EPHA4: variants seen among roughly 807,000 people sequenced by gnomAD.
EPHA4 encodes EPH receptor A4.
Under a neutral mutation model 108.3 loss-of-function variants are expected in EPHA4, and 19 were observed. That is an observed-to-expected ratio of 0.18 (90% CI 0.12 to 0.26). EPHA4 has a LOEUF of 0.26. Among genes scored for constraint, EPHA4 ranks in the 10% least tolerant of loss-of-function variants. The pLI is 1.00. For synonymous variants in EPHA4, 449 were observed against 455.5 expected (o/e 0.99, Z 0.18); for missense variants, 917 against 1,254.0 (o/e 0.73, Z 4.06).
At chr2:221,426,664 G>A in intron 15 of EPHA4, 45 bp from the exon 16 acceptor site, 1 of 1,545,758 alleles carries the variant, frequency 6.5e-7, no homozygotes, top group Non-Finnish European at 8.7e-7. Context: ...AGCTACCAGT[G>A]AGACAAGAAG....
intron 5 of EPHA4, among the ~76,000 whole-genome samples, chr2:221,463,019 G>A (rs1242135319): frequency 1.3e-5 from 2 of 152,158 alleles, no homozygotes; most frequent in Non-Finnish European, 2.9e-5. Flanking sequence ...AGCCTCCAAA[G>A]ATGGACTAGG....
At chr2:221,478,790 C>T (rs73087994) in intron 5 of EPHA4, among the ~76,000 whole-genome samples, 1,890 of 148,008 alleles carry the variant, frequency 0.013, 45 homozygotes, top group African/African-American at 0.044. Flanking sequence ...ACAACCTTAG[C>T]AGGGCAGGCG....
chr2:221,425,322 A>G lies in EPHA4; in HGVS notation c.*706T>C, dbSNP rs1463214205. The G allele has an allele frequency of 6.5e-6, 1 of 152,702 alleles. No homozygotes were observed. The highest frequency in any genetic ancestry group is 1.9e-4 in the East Asian group (1 of 5,198). 9.5% of individuals were successfully genotyped at this position (152,702 alleles called of 1,614,324 possible). A position where few individuals can be genotyped will look rare whatever the true frequency, so the allele number is the denominator to read the frequency against. ...TAGGACAAGTTTGTAAAGTCCCAAA[A>G]TAAGACTTTATATGGCACAGCCTCA... On this transcript the variant is annotated 3_prime_UTR_variant, in exon 17 of 18. Coordinates refer to ENST00000281821, the MANE Select transcript of EPHA4 (RefSeq NM_004438.5).
chr2:221,455,680 G>GGGTC, intron 7 of EPHA4, 22 bp from the exon 8 acceptor site: 6 of 1,572,956 alleles, frequency 3.8e-6, no homozygotes, highest in Non-Finnish European at 5.2e-6. Flanking sequence ...AATTGCATAA[G>GGGTC]GGTCACCTTT....
intron 1 of EPHA4, among the ~76,000 whole-genome samples, chr2:221,570,019 C>CCGTTG (rs1294666181): frequency 2.6e-5 from 4 of 151,814 alleles, no homozygotes; most frequent in Non-Finnish European, 5.9e-5. Flanking sequence ...CCAACCCCCA[C>CCGTTG]CGCAACCATT....
At chr2:221,508,707 G>A (rs548493535) in intron 3 of EPHA4, among the ~76,000 whole-genome samples, 1 of 152,236 alleles carries the variant, frequency 6.6e-6, no homozygotes, top group African/African-American at 2.4e-5. Context: ...ATGGGACAGA[G>A]CCTGGAGTGA....
In EPHA4 at chr2:221,425,793, A is replaced by G. The variant is rs894569060; in HGVS notation, c.*235T>C. Reference sequence around the variant, plus strand: ...TTTTACAGACTGGTGATGAACAGAAAAGTACTTCTGAGAAACGATTTGTTC... The same window carrying G: ...TTTTACAGACTGGTGATGAACAGAAGAGTACTTCTGAGAAACGATTTGTTC... On this transcript the variant is annotated 3_prime_UTR_variant, in exon 17 of 18. Coordinates refer to ENST00000281821, the MANE Select transcript of EPHA4 (RefSeq NM_004438.5). 2.0e-5 allele frequency: 10 copies of G among 512,680 alleles called. No individual in the cohort carries two copies. The highest frequency in any genetic ancestry group is 3.5e-5 in the Non-Finnish European group (10 of 287,628). 31.8% of individuals were successfully genotyped at this position (512,680 alleles called of 1,614,324 possible).
Position 221,501,142 on chromosome 2 carries a change from G to A in EPHA4, c.854C>T (p.Ser285Phe). The A allele has an allele frequency of 6.2e-7, 1 of 1,611,766 alleles. No homozygotes were observed. Among genetic ancestry groups the A allele is most frequent in the Non-Finnish European group, 8.5e-7 (1 of 1,179,050 alleles). Residue 285 changes from serine (S) to phenylalanine (F), a missense_variant, in exon 4 of 18, where the codon TCC becomes TTC. Ser to Phe is a radical substitution (Grantham distance 155). Around this residue, in one of 3 missense-constraint regions of EPHA4, gnomAD observed 758 missense variants for 1,076.7 expected, o/e 0.70. Transcript: ENST00000281821. Reference protein sequence around the residue: ...ACKIGYYKALSTDATCAKCPP... With the variant: ...ACKIGYYKALFTDATCAKCPP... ...GCACTTGGCACAGGTGGCATCCGTG[G>A]AGAGAGCCTTGTAATATCCAATTTT...
At chr2:221,499,420 T>C (rs1016616863) in intron 4 of EPHA4, among the ~76,000 whole-genome samples, 2 of 149,918 alleles carry the variant, frequency 1.3e-5, no homozygotes, top group African/African-American at 4.9e-5. Context: ...TATTAAGATT[T>C]TTTTCAAGTA....
At chr2:221,521,064 A>G (rs1361953365) in intron 3 of EPHA4, among the ~76,000 whole-genome samples, 1 of 152,242 alleles carries the variant, frequency 6.6e-6, no homozygotes, top group Non-Finnish European at 1.5e-5. Flanking sequence ...AGAAACAGAA[A>G]TTATGAAATT....
In EPHA4 at chr2:221,572,049, C is replaced by A; in HGVS notation, c.91+109G>T. 8 of 902,250 alleles carry A rather than the reference C, an allele frequency of 8.9e-6. No individual in the cohort carries two copies. The South Asian group carries it at 1.1e-4, about 12-fold the overall frequency. The allele number at this position is 902,250 out of a possible 1,614,324, so 55.9% of individuals were successfully genotyped here. A position where few individuals can be genotyped will look rare whatever the true frequency, so the allele number is the denominator to read the frequency against. On this transcript the variant is annotated intron_variant, in intron 1 of 17. Transcript: ENST00000281821. The stretch of plus-strand genomic sequence containing the variant: ...CCCCTTCTCCCGAATCGGGACGCAC[C>A]ATTCACACTGGGCTCCCCCCGCACC...
chr2:221,526,830 G>GC (rs1301149460), intron 3 of EPHA4, among the ~76,000 whole-genome samples: 1 of 119,618 alleles, frequency 8.4e-6, no homozygotes, highest in Admixed American at 1.1e-4. Flanking sequence ...TCCAGCCTGG[G>GC]CAATATAGCC....
intron 3 of EPHA4, among the ~76,000 whole-genome samples, chr2:221,546,399 C>T (rs1042528858): frequency 9.2e-5 from 14 of 152,066 alleles, no homozygotes; most frequent in Non-Finnish European, 1.3e-4. Flanking sequence ...TCAAAAAATC[C>T]GGAATTAAAG....
intron 17 of EPHA4, among the ~76,000 whole-genome samples, chr2:221,424,455 A>G (rs1045880813): frequency 7.3e-5 from 11 of 149,826 alleles, no homozygotes; most frequent in African/African-American, 2.7e-4. Flanking sequence ...CTTGTTTAAA[A>G]GTGATAAAAA....
chr2:221,520,007 C>A (rs1404343690), intron 3 of EPHA4, among the ~76,000 whole-genome samples: 1 of 152,106 alleles, frequency 6.6e-6, no homozygotes, highest in South Asian at 2.1e-4. Flanking sequence ...TCTCCCATTT[C>A]GTTTACTGAC....
In EPHA4 at chr2:221,487,720, A is replaced by G. The variant is rs149059593; in HGVS notation, c.980-5030T>C. ...TGTACCAACCTCATATAAATTAATC[A>G]AATGCTGAGGTGTATTTAAGGGAAC... On this transcript the variant is annotated intron_variant, in intron 4 of 17. Transcript: ENST00000281821. Among the ~76,000 whole-genome samples the G allele has an allele frequency of 2.1e-3, 325 of 152,296 alleles. 3 individuals carry two copies. The highest frequency in any genetic ancestry group is 7.1e-3 in the African/African-American group (296 of 41,560).
intron 5 of EPHA4, among the ~76,000 whole-genome samples, chr2:221,467,530 A>G (rs1691348358): frequency 6.6e-6 from 1 of 152,240 alleles, no homozygotes; most frequent in Non-Finnish European, 1.5e-5. Context: ...ACTGAAACAT[A>G]CAGCAATCCT....
chr2:221,483,996 C>T (rs567960502), intron 4 of EPHA4, among the ~76,000 whole-genome samples: 24 of 152,188 alleles, frequency 1.6e-4, no homozygotes, highest in African/African-American at 4.8e-4. Context: ...TTCAGTCTTC[C>T]AAGAGATGAG....
chr2:221,463,336 A>G (rs536861062), intron 5 of EPHA4, among the ~76,000 whole-genome samples: 5 of 152,282 alleles, frequency 3.3e-5, no homozygotes, highest in Non-Finnish European at 5.9e-5. Context: ...GATAAATTTC[A>G]CTCCCAAAGA....
Sources: gnomAD v4.1 joint callset for allele counts (sites outside exome capture counted in the v4.1 genomes callset) on GRCh38, gnomAD v4.1.1 for gene constraint, gnomAD v4.1.1 regional missense constraint, MANE v1.5 for transcripts, NCBI Gene and HGNC (gene_info 2026-07-23, HGNC 2026-07-21) for gene names.